Variants in CMTM4 observed in about 807,000 individuals in gnomAD.
The protein encoded by CMTM4 is CKLF-like MARVEL transmembrane domain-containing protein 4.
In CMTM4, 8 loss-of-function variants were observed where a neutral mutation model predicts 19.0. The ratio of observed to expected loss-of-function variants is 0.42; its 90% CI spans 0.25 to 0.76. The LOEUF is 0.76. Ranked by LOEUF, CMTM4 falls within the 30% of genes least tolerant of loss-of-function variation. The pLI is 0.27. For synonymous variants in CMTM4, 106 were observed against 121.1 expected (o/e 0.88, Z 0.82); for missense variants, 228 against 290.2 (o/e 0.79, Z 1.56).
downstream of CMTM4, chr16:66,609,900 T>TA: frequency 6.2e-7 from 1 of 1,614,184 alleles, no homozygotes; most frequent in South Asian, 1.1e-5. The surrounding 1 kb of genome is among the most constrained non-coding windows in gnomAD (Gnocchi z 4.4). Context: ...GCTTCTTTGC[T>TA]ACCATCGTGT....
At chr16:66,608,519 G>T in the CMTM4 span, 1 of 1,581,310 alleles carries the variant, frequency 6.3e-7, no homozygotes. This position sits in a 1 kb window ranked among gnomAD's most constrained non-coding sequence, Gnocchi z 5.1. Flanking sequence ...GGCCAGATGA[G>T]GAGTCCAGAG....
chr16:66,653,660 G>A (rs1439835011), intron 1 of CMTM4, among the ~76,000 whole-genome samples: 1 of 152,168 alleles, frequency 6.6e-6, no homozygotes, highest in Admixed American at 6.5e-5. Context: ...CAAATACAAT[G>A]CTGGGCACTT....
intron 1 of CMTM4, among the ~76,000 whole-genome samples, chr16:66,654,037 A>C (rs1242009400): frequency 6.6e-6 from 1 of 152,114 alleles, no homozygotes; most frequent in East Asian, 1.9e-4. Flanking sequence ...CACTGCACCC[A>C]GCCAGTTTTT....
At chr16:66,639,228 T>C (rs562175186) in intron 1 of CMTM4, among the ~76,000 whole-genome samples, 74 of 152,342 alleles carry the variant, frequency 4.9e-4, no homozygotes, top group Admixed American at 4.1e-3. Flanking sequence ...CCCCTTTTTT[T>C]CACCCCAGTA....
Position 66,619,602 on chromosome 16 carries a change from A to C in CMTM4, c.*2456T>G. Reference sequence around the variant, plus strand: ...TCTGTTTGCATATAGAGGCAATATAAGAAAAATATAGGCGTCTTCATATTC... The same window carrying C: ...TCTGTTTGCATATAGAGGCAATATACGAAAAATATAGGCGTCTTCATATTC... On this transcript the variant is annotated 3_prime_UTR_variant, in exon 4 of 4. Transcript: ENST00000394106. The C allele has an allele frequency of 1.0e-6, 1 of 985,404 alleles. No individual in the cohort carries two copies. Among genetic ancestry groups the C allele is most frequent in the Non-Finnish European group, 1.2e-6 (1 of 829,922 alleles). 61.0% of individuals were successfully genotyped at this position (985,404 alleles called of 1,614,324 possible).
At chr16:66,691,430 G>A (rs1242926741) in intron 1 of CMTM4, among the ~76,000 whole-genome samples, 2 of 152,322 alleles carry the variant, frequency 1.3e-5, no homozygotes, top group South Asian at 2.1e-4. Flanking sequence ...GCGGAGGTAA[G>A]TGACTCATGC....
intron 1 of CMTM4, among the ~76,000 whole-genome samples, chr16:66,638,219 TA>T (rs1366574427): frequency 6.6e-6 from 1 of 152,080 alleles, no homozygotes; most frequent in Non-Finnish European, 1.5e-5. Flanking sequence ...GGGGGCAGGG[TA>T]GTCCATCCCC....
intron 1 of CMTM4, among the ~76,000 whole-genome samples, chr16:66,674,440 A>G (rs537705746): frequency 6.6e-6 from 1 of 152,256 alleles, no homozygotes; most frequent in Admixed American, 6.5e-5. Flanking sequence ...CGGTGCACAC[A>G]CCCAGACAGG....
chr16:66,619,614 G>A lies in CMTM4; in HGVS notation c.*2444C>T, dbSNP rs1192174722. 3 of 985,086 alleles carry A rather than the reference G, an allele frequency of 3.0e-6. No homozygotes were observed. The East Asian group carries it at 3.4e-4, about 112-fold the overall frequency. The allele number at this position is 985,086 out of a possible 1,614,324, so 61.0% of individuals were successfully genotyped here. On this transcript the variant is annotated 3_prime_UTR_variant, in exon 4 of 4. Transcript: ENST00000394106. ...TAGAGGCAATATAAGAAAAATATAG[G>A]CGTCTTCATATTCACCTTGGATAAC...
intron 1 of CMTM4, among the ~76,000 whole-genome samples, chr16:66,645,447 G>A (rs367663790): frequency 1.3e-5 from 2 of 151,516 alleles, no homozygotes; most frequent in East Asian, 3.9e-4. Flanking sequence ...GCATGGTGGC[G>A]GGCACATATA....
rs1358250800 is a variant in CMTM4 at position 66,627,451 on chromosome 16, A to G, written c.364-3949T>C. 3.3e-5 allele frequency among the ~76,000 whole-genome samples: 5 copies of G among 152,240 alleles called. No individual in the cohort carries two copies. The South Asian group carries it at 6.2e-4, about 19-fold the overall frequency. ...TATTTTTAAACAGCTTTATTGAGAT[A>G]TAATTCACATACCATAACATATACC... On this transcript the variant is annotated intron_variant, in intron 2 of 3. Transcript: ENST00000394106.
At chr16:66,631,114 C>T (rs2015852951) in intron 2 of CMTM4, among the ~76,000 whole-genome samples, 2 of 149,184 alleles carry the variant, frequency 1.3e-5, no homozygotes, top group South Asian at 4.3e-4. Context: ...GCCACCCCAT[C>T]TGGGAAGTGA....
At chr16:66,643,703 T>C (rs979730222) in intron 1 of CMTM4, among the ~76,000 whole-genome samples, 4 of 152,176 alleles carry the variant, frequency 2.6e-5, no homozygotes, top group Admixed American at 1.3e-4. Flanking sequence ...CCAGGGTGTG[T>C]AGGGCACAAA....
At chr16:66,625,434 CAA>C (rs565431475) in intron 2 of CMTM4, among the ~76,000 whole-genome samples, 31 of 76,382 alleles carry the variant, frequency 4.1e-4, no homozygotes, top group South Asian at 1.1e-3. Flanking sequence ...AACTCTGTCT[CAA>C]AAAAAAAAAA....
the CMTM4 span, chr16:66,609,277 G>T: frequency 1.6e-6 from 1 of 628,424 alleles, no homozygotes; most frequent in Admixed American, 2.8e-5. The surrounding 1 kb of genome is among the most constrained non-coding windows in gnomAD (Gnocchi z 4.4). Flanking sequence ...GGCACCTCGG[G>T]GGTGGGACAA....
At chr16:66,628,440 T>A (rs1029415344) in intron 2 of CMTM4, among the ~76,000 whole-genome samples, 1 of 152,238 alleles carries the variant, frequency 6.6e-6, no homozygotes, top group African/African-American at 2.4e-5. Context: ...TAGCAGTGCG[T>A]TGTGCCCCTG....
chr16:66,623,425 G>A lies in CMTM4; in HGVS notation c.441C>T (p.Ala147=), dbSNP rs765261475. ...SIVLAALNHR[A]GAEIAAVIFG... ...TTACCACGGCAGCAATTTCTGCTCC[G>A]GCTCTATGGTTTAAAGCAGCCAGTA... The change falls in exon 3 of 4, where the codon GCC becomes GCT. Residue 147 remains alanine, a synonymous_variant. Coordinates refer to ENST00000394106, the MANE Select transcript of CMTM4 (RefSeq NM_181521.3). The A allele has an allele frequency of 3.7e-5, 59 of 1,613,542 alleles. No homozygotes were observed. The highest frequency in any genetic ancestry group is 6.6e-5 in the South Asian group (6 of 90,990).
At chr16:66,677,794 T>C (rs1401087629) in intron 1 of CMTM4, among the ~76,000 whole-genome samples, 1 of 152,070 alleles carries the variant, frequency 6.6e-6, no homozygotes, top group East Asian at 1.9e-4. Context: ...CTCCACCTAC[T>C]GGGTTCAAGT....
chr16:66,600,591 T>TC, the CMTM4 span, among the ~76,000 whole-genome samples: 3 of 149,828 alleles, frequency 2.0e-5, no homozygotes, highest in African/African-American at 7.4e-5. Flanking sequence ...TCTGACCAGC[T>TC]CCCCCCATCT....
Sources: allele counts gnomAD v4.1 joint callset (sites outside exome capture counted in the v4.1 genomes callset), GRCh38; gene constraint gnomAD v4.1.1; non-coding constraint Gnocchi (gnomAD v3.1); transcripts MANE v1.5; gene names NCBI Gene and HGNC (gene_info 2026-07-23, HGNC 2026-07-21).